The following SCHIP1 variants were observed in gnomAD, a reference collection of about 807,000 sequenced individuals.
SCHIP1 encodes schwannomin-interacting protein 1.
In SCHIP1, 8 loss-of-function variants were observed where a neutral mutation model predicts 29.7. The ratio of observed to expected loss-of-function variants is 0.27; its 90% CI spans 0.16 to 0.49. The LOEUF is 0.49. Ranked by LOEUF, SCHIP1 falls within the 20% of genes least tolerant of loss-of-function variation. The probability of loss-of-function intolerance (pLI) is 0.99; values close to 1 mark genes in which losing one functional copy is unlikely to be tolerated. For missense variants in SCHIP1, 193 were observed against 294.6 expected (o/e 0.66, Z 2.52); for synonymous variants, 76 against 94.9 (o/e 0.80, Z 1.16).
intron 1 of SCHIP1, among the ~76,000 whole-genome samples, chr3:159,850,757 G>A (rs9820045): frequency 0.75 from 113,426 of 151,736 alleles, 43,082 homozygotes; most frequent in East Asian, 0.99. Flanking sequence ...GGTGCTACAC[G>A]CTTTTAAACA....
chr3:159,701,619 T>C, the SCHIP1 span, among the ~76,000 whole-genome samples: 1 of 152,178 alleles, frequency 6.6e-6, no homozygotes, highest in Non-Finnish European at 1.5e-5. Flanking sequence ...CTATATATTT[T>C]CTATATGATC....
the SCHIP1 span, among the ~76,000 whole-genome samples, chr3:159,651,174 A>G: frequency 6.6e-6 from 1 of 152,232 alleles, no homozygotes; most frequent in African/African-American, 2.4e-5. Flanking sequence ...GGGAAAATAT[A>G]CAATTCATTA....
the SCHIP1 span, among the ~76,000 whole-genome samples, chr3:159,816,957 T>C: frequency 6.6e-6 from 1 of 152,274 alleles, no homozygotes; most frequent in Non-Finnish European, 1.5e-5. Flanking sequence ...CCGGCTTGAT[T>C]AGAGCCCTAA....
chr3:159,556,735 A>G, the SCHIP1 span, among the ~76,000 whole-genome samples: 2 of 127,490 alleles, frequency 1.6e-5, no homozygotes, highest in South Asian at 4.9e-4. Context: ...ACATGGACAC[A>G]GGAAGGGGAA....
chr3:159,779,464 T>G, the SCHIP1 span, among the ~76,000 whole-genome samples: 6 of 149,808 alleles, frequency 4.0e-5, no homozygotes, highest in Admixed American at 1.3e-4. Flanking sequence ...AGGTCAGGAG[T>G]TGGAGACCAG....
At chr3:159,427,804 G>C in the SCHIP1 span, among the ~76,000 whole-genome samples, 4 of 152,154 alleles carry the variant, frequency 2.6e-5, no homozygotes, top group East Asian at 7.7e-4. Flanking sequence ...ATACTACAAG[G>C]CTACAGTAAC....
chr3:159,822,296 G>C, the SCHIP1 span, among the ~76,000 whole-genome samples: 12 of 152,134 alleles, frequency 7.9e-5, 1 homozygote, highest in African/African-American at 2.9e-4. Context: ...GGGAATCTAA[G>C]ACACAGAGAG....
At chr3:159,717,362 G>A in the SCHIP1 span, among the ~76,000 whole-genome samples, 24 of 152,156 alleles carry the variant, frequency 1.6e-4, no homozygotes, top group African/African-American at 5.8e-4. Flanking sequence ...GCTAGCAGAA[G>A]GCAAGAAATA....
the SCHIP1 span, among the ~76,000 whole-genome samples, chr3:159,759,674 G>A: frequency 6.6e-6 from 1 of 152,150 alleles, no homozygotes; most frequent in East Asian, 1.9e-4. Flanking sequence ...ATATCTCCAT[G>A]TAGTTATATT....
chr3:159,548,860 C>T, the SCHIP1 span, among the ~76,000 whole-genome samples: 1 of 152,188 alleles, frequency 6.6e-6, no homozygotes, highest in Non-Finnish European at 1.5e-5. Flanking sequence ...CTAATTTCGA[C>T]ATCTGAGTTA....
At chr3:159,563,525 T>A in the SCHIP1 span, among the ~76,000 whole-genome samples, 1 of 152,106 alleles carries the variant, frequency 6.6e-6, no homozygotes, top group African/African-American at 2.4e-5. Flanking sequence ...ATTATTTTTT[T>A]AAATTAAAAA....
chr3:159,578,243 T>C, the SCHIP1 span, among the ~76,000 whole-genome samples: 240 of 152,276 alleles, frequency 1.6e-3, 2 homozygotes, highest in African/African-American at 5.4e-3. Flanking sequence ...CACATGGCAA[T>C]TGTACACTCA....
the SCHIP1 span, among the ~76,000 whole-genome samples, chr3:159,446,684 C>T: frequency 2.0e-5 from 3 of 152,146 alleles, no homozygotes; most frequent in Admixed American, 1.3e-4. Context: ...ACCTCAAATG[C>T]AAAACGCAAC....
At chr3:159,622,010 C>T in the SCHIP1 span, among the ~76,000 whole-genome samples, 1 of 152,194 alleles carries the variant, frequency 6.6e-6, no homozygotes, top group Non-Finnish European at 1.5e-5. Flanking sequence ...AGCCACAAGG[C>T]CCCTGGCAAA....
At chr3:159,741,635 G>A in the SCHIP1 span, among the ~76,000 whole-genome samples, 2 of 152,138 alleles carry the variant, frequency 1.3e-5, no homozygotes, top group Non-Finnish European at 2.9e-5. Flanking sequence ...AACCATCAAG[G>A]CCTCATTAGA....
chr3:159,594,811 A>G, the SCHIP1 span, among the ~76,000 whole-genome samples: 8 of 152,192 alleles, frequency 5.3e-5, no homozygotes, highest in South Asian at 4.1e-4. Flanking sequence ...AAGTCCTTCA[A>G]TGATGGAAAC....
the SCHIP1 span, among the ~76,000 whole-genome samples, chr3:159,588,949 C>A: frequency 6.6e-6 from 1 of 152,102 alleles, no homozygotes; most frequent in Admixed American, 6.6e-5. Context: ...AATGTGGGCT[C>A]TTTTTTGGTT....
At chr3:159,739,373 G>T in the SCHIP1 span, among the ~76,000 whole-genome samples, 1 of 152,166 alleles carries the variant, frequency 6.6e-6, no homozygotes, top group Non-Finnish European at 1.5e-5. Context: ...GGTGAAAGAG[G>T]AACATTCAAT....
the SCHIP1 span, among the ~76,000 whole-genome samples, chr3:159,774,270 A>G: frequency 2.0e-5 from 3 of 152,056 alleles, no homozygotes; most frequent in African/African-American, 7.2e-5. Context: ...TGTTTCTCAG[A>G]TGGTCTTGCT....
Sources: gnomAD v4.1 joint callset for allele counts (sites outside exome capture counted in the v4.1 genomes callset) on GRCh38, gnomAD v4.1.1 for gene constraint, MANE v1.5 for transcripts, NCBI Gene and HGNC (gene_info 2026-07-23, HGNC 2026-07-21) for gene names.